C4orf36: variants seen among roughly 807,000 people sequenced by gnomAD.
C4orf36 encodes uncharacterized protein C4orf36.
C4orf36 carries 11 observed loss-of-function variants against 12.2 expected under a neutral mutation model. The ratio of observed to expected loss-of-function variants is 0.90; its 90% confidence interval spans 0.57 to 1.49. The LOEUF (loss-of-function observed/expected upper bound fraction) is 1.49, where lower values mean the gene tolerates loss of function less well. Ranked by LOEUF, C4orf36 falls within the 40% of genes most tolerant of loss-of-function variation. The probability of loss-of-function intolerance (pLI) is 0.00; values close to 1 mark genes in which losing one functional copy is unlikely to be tolerated. For synonymous variants in C4orf36, 54 were observed against 51.3 expected, an observed-to-expected ratio of 1.05 and a Z score of -0.22; for missense variants, 137 against 133.9, an observed-to-expected ratio of 1.02 and a Z score of -0.11.
At chr4:86,926,910 T>C in the C4orf36 span, among the ~76,000 whole-genome samples, 1 of 152,232 alleles carries the variant, frequency 6.6e-6, no homozygotes, top group Non-Finnish European at 1.5e-5. Flanking sequence ...CAACAAACCA[T>C]GGGAAACTAC....
intron 1 of C4orf36, chr4:86,891,965 G>A: frequency 1.0e-6 from 1 of 1,000,002 alleles, no homozygotes; most frequent in Non-Finnish European, 1.2e-6. Flanking sequence ...CGGGCACTTT[G>A]AGCAGAGCAA....
the C4orf36 span, among the ~76,000 whole-genome samples, chr4:86,917,333 AGGAAGGAAGGAT>A: frequency 2.4e-4 from 35 of 147,054 alleles, no homozygotes; most frequent in Non-Finnish European, 4.7e-4. Context: ...AGAGAGATGA[AGGAAGGAAGGAT>A]GGAAGGAAGG....
chr4:86,902,353 T>C, the C4orf36 span, among the ~76,000 whole-genome samples: 1 of 126,528 alleles, frequency 7.9e-6, no homozygotes, highest in Non-Finnish European at 1.5e-5. Context: ...GCCCAGAAGA[T>C]CAAGGCTGCA....
chr4:86,877,800 C>T (rs1489289757), intron 4 of C4orf36, among the ~76,000 whole-genome samples: 2 of 152,046 alleles, frequency 1.3e-5, no homozygotes, highest in Non-Finnish European at 2.9e-5. Context: ...GATTATAACC[C>T]CCAGGATGCT....
At chr4:86,929,797 A>G in the C4orf36 span, among the ~76,000 whole-genome samples, 1 of 152,232 alleles carries the variant, frequency 6.6e-6, no homozygotes, top group Admixed American at 6.5e-5. Flanking sequence ...ACTCATAAGG[A>G]AGGGAGAGAT....
upstream of C4orf36, among the ~76,000 whole-genome samples, chr4:86,892,827 T>C (rs1747481739): frequency 6.6e-6 from 1 of 152,232 alleles, no homozygotes; most frequent in Non-Finnish European, 1.5e-5. Context: ...ACAGCATCAA[T>C]TTCTAAAGCC....
intron 4 of C4orf36, among the ~76,000 whole-genome samples, chr4:86,885,626 C>T (rs1193360672): frequency 9.2e-5 from 14 of 152,280 alleles, no homozygotes; most frequent in Non-Finnish European, 1.3e-4. Flanking sequence ...TCTAGATATA[C>T]AATCATGTCA....
Position 86,887,788 on chromosome 4 carries a change from C to A in C4orf36, c.326G>T (p.Gly109Val). Residue 109 changes from glycine (G) to valine (V), a missense_variant, in exon 4 of 5, where the codon GGT (glycine) becomes GTT (valine). Physicochemically the swap from Gly to Val is moderately radical, Grantham distance 109 (BLOSUM62 -3). Transcript: ENST00000295898. ...IQLLLRERPA[G>V]LRRPLPSK ...TTTAGATGGAAGAGGTCTTCTCAAA[C>A]CGGCTGGCCTTTCCCTCAGGAGAAG... 1 of 1,614,238 alleles carries A rather than the reference C, an allele frequency of 6.2e-7. No homozygotes were observed. The highest frequency in any genetic ancestry group is 1.3e-5 in the African/African-American group (1 of 75,056).
the C4orf36 span, among the ~76,000 whole-genome samples, chr4:86,915,132 C>A: frequency 6.6e-6 from 1 of 152,148 alleles, no homozygotes; most frequent in Admixed American, 6.5e-5. Context: ...TACTAGGCCA[C>A]CGTAGGCTCG....
the C4orf36 span, chr4:86,913,787 C>CAAGATGCCCT: frequency 8.3e-7 from 1 of 1,210,966 alleles, no homozygotes; most frequent in Non-Finnish European, 1.2e-6. Flanking sequence ...CAAAGGGCAT[C>CAAGATGCCCT]TTGCTGCCCC....
chr4:86,903,321 A>G, the C4orf36 span, among the ~76,000 whole-genome samples: 1 of 152,176 alleles, frequency 6.6e-6, no homozygotes, highest in African/African-American at 2.4e-5. Context: ...ACCATCCTGG[A>G]CAACATGATG....
the C4orf36 span, chr4:86,914,122 A>G: frequency 1.2e-6 from 2 of 1,602,802 alleles, no homozygotes; most frequent in South Asian, 1.1e-5. Flanking sequence ...GACTCAAAGT[A>G]ACAAACAGAA....
At chr4:86,920,605 G>A in the C4orf36 span, among the ~76,000 whole-genome samples, 1 of 152,142 alleles carries the variant, frequency 6.6e-6, no homozygotes, top group Non-Finnish European at 1.5e-5. Context: ...GCCTTCATCT[G>A]GTGAGGGCCT....
chr4:86,892,365 C>G lies in C4orf36; in HGVS notation c.-256G>C, dbSNP rs968024110. 2.0e-6 allele frequency: 2 copies of G among 985,352 alleles called. No homozygotes were observed. Among genetic ancestry groups the G allele is most frequent in the African/African-American group, 3.5e-5 (2 of 57,250 alleles). 61.0% of individuals were successfully genotyped at this position (985,352 alleles called of 1,614,324 possible). On this transcript the variant is annotated 5_prime_UTR_variant, in exon 1 of 5. Coordinates refer to ENST00000295898, the MANE Select transcript of C4orf36 (RefSeq NM_144645.4). ...CTAAGCGCACATGGCCGCGCACACG[C>G]CTCGGGGCCGCGCCGCAGGCACACG... is the stretch of plus-strand genomic sequence containing the variant.
At chr4:86,895,048 A>C (rs1458688087), upstream of C4orf36, among the ~76,000 whole-genome samples, 1 of 152,226 alleles carries the variant, frequency 6.6e-6, no homozygotes, top group Non-Finnish European at 1.5e-5. Context: ...ACGGTGGCTC[A>C]TGCCTGTAAT....
At chr4:86,884,304 T>TTTTTTTTTTTTTTTTTTTTTTATG in intron 4 of C4orf36, among the ~76,000 whole-genome samples, 1 of 147,946 alleles carries the variant, frequency 6.8e-6, no homozygotes, top group Non-Finnish European at 1.5e-5. Context: ...ACTGAATTTT[T>TTTTTTTTTTTTTTTTTTTTTTATG]TTTTTTTTTT....
the C4orf36 span, among the ~76,000 whole-genome samples, chr4:86,917,345 TGGAA>T: frequency 3.3e-4 from 15 of 44,828 alleles, no homozygotes; most frequent in Admixed American, 9.4e-4. Context: ...GAAGGAAGGA[TGGAA>T]GGAAGGAAGG....
the C4orf36 span, among the ~76,000 whole-genome samples, chr4:86,913,064 TAA>T: frequency 7.0e-6 from 1 of 142,598 alleles, no homozygotes; most frequent in African/African-American, 2.6e-5. Context: ...GAAGTCGCAA[TAA>T]AAAAAAAAAA....
At chr4:86,882,783 GCC>G (rs780639404) in intron 4 of C4orf36, among the ~76,000 whole-genome samples, 11 of 152,084 alleles carry the variant, frequency 7.2e-5, no homozygotes, top group Non-Finnish European at 1.5e-4. Flanking sequence ...ATATATGTTT[GCC>G]CATTGCACAT....
Sources: gnomAD v4.1 joint callset for allele counts (sites outside exome capture counted in the v4.1 genomes callset) on GRCh38, gnomAD v4.1.1 for gene constraint, MANE v1.5 for transcripts, NCBI Gene and HGNC (gene_info 2026-07-23, HGNC 2026-07-21) for gene names.